PSMG2: variants seen among roughly 807,000 people sequenced by gnomAD.
The protein encoded by PSMG2 is proteasome assembly chaperone 2.
A neutral mutation model predicts 31.5 loss-of-function variants in PSMG2; 21 were observed. The observed-to-expected ratio is 0.67, with a 90% confidence interval of 0.47 to 0.96. The LOEUF (loss-of-function observed/expected upper bound fraction) is 0.96, where lower values mean the gene tolerates loss of function less well. PSMG2 is among the 40% of genes least tolerant of loss of function. The pLI is 0.00. For synonymous variants in PSMG2, 120 were observed against 110.4 expected (o/e 1.09, Z -0.54); for missense variants, 318 against 321.2 (o/e 0.99, Z 0.08).
upstream of PSMG2, chr18:12,699,892 T>C: frequency 6.3e-7 from 1 of 1,596,034 alleles, no homozygotes; most frequent in Admixed American, 1.7e-5. Context: ...AGGGAGTTCT[T>C]GCTCAACACT....
intron 5 of PSMG2, among the ~76,000 whole-genome samples, chr18:12,720,887 C>T (rs1056354089): frequency 4.6e-5 from 7 of 152,096 alleles, no homozygotes; most frequent in African/African-American, 9.7e-5. Context: ...ATTGCTAGGC[C>T]GGGCACGGTG....
chr18:12,670,190 C>T (rs2038907622), intron 1 of PSMG2, among the ~76,000 whole-genome samples: 3 of 147,544 alleles, frequency 2.0e-5, no homozygotes, highest in South Asian at 2.2e-4. Context: ...ATTAGCTGGG[C>T]GTGGTAGCGT....
At chr18:12,686,932 C>T (rs996173964) in intron 1 of PSMG2, among the ~76,000 whole-genome samples, 1 of 152,136 alleles carries the variant, frequency 6.6e-6, no homozygotes, top group Non-Finnish European at 1.5e-5. Context: ...TAGAGATCCA[C>T]AGGAAACAAT....
intron 5 of PSMG2, among the ~76,000 whole-genome samples, chr18:12,722,224 G>A (rs898334067): frequency 6.6e-6 from 1 of 152,156 alleles, no homozygotes; most frequent in Non-Finnish European, 1.5e-5. Context: ...TAAAAATACT[G>A]GAACCTGACA....
At chr18:12,674,665 C>T in intron 1 of PSMG2, 1 of 1,614,014 alleles carries the variant, frequency 6.2e-7, no homozygotes, top group Non-Finnish European at 8.5e-7. Flanking sequence ...TGCTGATATA[C>T]TTGTTGTACG....
chr18:12,711,224 A>G (rs974288584), intron 2 of PSMG2, among the ~76,000 whole-genome samples: 2 of 152,176 alleles, frequency 1.3e-5, no homozygotes, highest in Admixed American at 6.5e-5. Context: ...GTGAGCCGAT[A>G]TCGCACCACT....
intron 1 of PSMG2, among the ~76,000 whole-genome samples, chr18:12,705,331 T>C (rs1217226506): frequency 2.0e-5 from 3 of 152,200 alleles, no homozygotes; most frequent in African/African-American, 7.2e-5. Context: ...CCCAAAGTGC[T>C]GGGATTACAG....
chr18:12,698,347 C>G (rs774418394), upstream of PSMG2, among the ~76,000 whole-genome samples: 5 of 151,968 alleles, frequency 3.3e-5, no homozygotes, highest in Admixed American at 6.6e-5. Context: ...TTTTGTATTT[C>G]TAGTAGAGAC....
chr18:12,688,216 G>A lies in PSMG2; in HGVS notation c.-36-18334G>A, dbSNP rs576194852. On this transcript the variant is annotated intron_variant, in intron 1 of 6. Coordinates refer to the PSMG2 transcript ENST00000585331. Reference sequence around the variant, plus strand: ...ACTGCACTCCAGCCTGGGCGAGAGCGAGACTCCATCTCAAAAAAAAAAAAA... The same window carrying A: ...ACTGCACTCCAGCCTGGGCGAGAGCAAGACTCCATCTCAAAAAAAAAAAAA... Among the ~76,000 whole-genome samples, 87 of 132,704 alleles carry A rather than the reference G, an allele frequency of 6.6e-4. 1 individual carries two copies. Among genetic ancestry groups the A allele is most frequent in the African/African-American group, 2.5e-3 (86 of 34,280 alleles). The allele number at this position is 132,704 out of a possible 152,430, so 87.1% of individuals were successfully genotyped here.
upstream of PSMG2, chr18:12,699,246 T>G (rs552862513): frequency 1.7e-4 from 221 of 1,311,720 alleles, 2 homozygotes; most frequent in South Asian, 2.6e-3. Context: ...GCCAAATAAC[T>G]TAAAAGAATG....
intron 1 of PSMG2, chr18:12,684,487 T>G (rs1409576914): frequency 8.9e-5 from 5 of 56,156 alleles, no homozygotes; most frequent in South Asian, 3.5e-4. Context: ...AGTTTTTTGT[T>G]TTTTTTTTTT....
At chr18:12,680,307 T>C (rs1224100815) in intron 1 of PSMG2, among the ~76,000 whole-genome samples, 1 of 152,044 alleles carries the variant, frequency 6.6e-6, no homozygotes, top group African/African-American at 2.4e-5. Context: ...AAAATACTTA[T>C]AACTTAAGCC....
intron 6 of PSMG2, chr18:12,724,858 G>C (rs1012773142): frequency 1.2e-5 from 5 of 428,498 alleles, no homozygotes; most frequent in Non-Finnish European, 2.0e-5. Flanking sequence ...GTTCTTCATT[G>C]TACTTACTAT....
chr18:12,692,107 G>C (rs2039784970), intron 1 of PSMG2: 1 of 152,180 alleles, frequency 6.6e-6, no homozygotes, highest in African/African-American at 2.4e-5. Context: ...TTTGAGGTCA[G>C]GGGTTCGAGA....
upstream of PSMG2, chr18:12,702,544 G>T (rs1485933402): frequency 6.2e-7 from 1 of 1,602,986 alleles, no homozygotes; most frequent in Non-Finnish European, 8.5e-7. Context: ...CGGAGGCAGC[G>T]ACATGCTGGC....
At chr18:12,709,588 T>A (rs2040308392) in intron 2 of PSMG2, among the ~76,000 whole-genome samples, 1 of 151,456 alleles carries the variant, frequency 6.6e-6, no homozygotes, top group African/African-American at 2.4e-5. Flanking sequence ...AACCTCCACC[T>A]CCCGGGTTCA....
intron 1 of PSMG2, chr18:12,663,354 T>C (rs12954079): frequency 0.38 from 57,031 of 152,048 alleles, 10,970 homozygotes; most frequent in Non-Finnish European, 0.43. Context: ...CTCACTGCAA[T>C]CTCCACCTCC....
chr18:12,710,189 G>A (rs974566258), intron 2 of PSMG2, among the ~76,000 whole-genome samples: 16 of 151,216 alleles, frequency 1.1e-4, no homozygotes, highest in East Asian at 9.8e-4. Context: ...TGATCTGCCC[G>A]CCTCAGCTTC....
At chr18:12,709,787 A>C (rs909743052) in intron 2 of PSMG2, among the ~76,000 whole-genome samples, 1 of 151,948 alleles carries the variant, frequency 6.6e-6, no homozygotes, top group Non-Finnish European at 1.5e-5. Context: ...GGCGTGAGCC[A>C]CCACGCCTGG....
Sources: gnomAD v4.1 joint callset for allele counts (sites outside exome capture counted in the v4.1 genomes callset) on GRCh38, gnomAD v4.1.1 for gene constraint, MANE v1.5 for transcripts, NCBI Gene and HGNC (gene_info 2026-07-23, HGNC 2026-07-21) for gene names.